GEN1: variants seen among roughly 807,000 people sequenced by gnomAD.
GEN1 encodes the protein flap endonuclease GEN homolog 1.
Under a neutral mutation model 67.6 loss-of-function variants are expected in GEN1, and 64 were observed. The observed-to-expected ratio is 0.95, with a 90% CI of 0.77 to 1.17. The LOEUF is 1.17. GEN1 is among the 50% of genes most tolerant of loss of function. GEN1 has a pLI of 0.00. For missense variants in GEN1, 1,058 were observed against 1,048.3 expected, an observed-to-expected ratio of 1.01 and a Z score of -0.13; for synonymous variants, 371 against 359.4, an observed-to-expected ratio of 1.03 and a Z score of -0.37.
rs1391423889 is a variant in GEN1, at chr2:17,787,788, G to A, written c.*5849G>A. 1 of 152,298 alleles carries A rather than the reference G, an allele frequency of 6.6e-6. No homozygotes were observed. The highest frequency in any genetic ancestry group is 2.4e-5 in the African/African-American group (1 of 41,444). 9.4% of individuals were successfully genotyped at this position (152,298 alleles called of 1,614,324 possible). ...AAAATACAAAAATTAGCCGGGTGTGGTGATGGGTACCTGTAATCCCACCTA... is the reference window on the plus strand; with the variant it reads ...AAAATACAAAAATTAGCCGGGTGTGATGATGGGTACCTGTAATCCCACCTA... On this transcript the variant is annotated 3_prime_UTR_variant, in exon 14 of 14. Transcript: ENST00000381254.
chr2:17,780,185 T>TATAAC, intron 13 of GEN1, 64 bp downstream of exon 13: 1 of 1,251,856 alleles, frequency 8.0e-7, no homozygotes, highest in Non-Finnish European at 1.1e-6. Context: ...CCACCTCTTC[T>TATAAC]GTTTGAATCT....
chr2:17,769,678 C>T (rs970867192), intron 6 of GEN1, among the ~76,000 whole-genome samples: 4 of 151,954 alleles, frequency 2.6e-5, no homozygotes, highest in Non-Finnish European at 4.4e-5. Context: ...AACATTAATT[C>T]GTTTAGTCTC....
At chr2:17,766,502 C>A in intron 4 of GEN1, 77 bp from the exon 5 acceptor site, 1 of 791,822 alleles carries the variant, frequency 1.3e-6, no homozygotes, top group South Asian at 1.7e-5. Context: ...ATAACATTGA[C>A]AAATTATTTT....
In GEN1 at chr2:17,780,702, G is replaced by A. The variant is rs762838485; in HGVS notation, c.1490G>A (p.Cys497Tyr). The A allele has an allele frequency of 4.5e-5, 73 of 1,613,792 alleles. No homozygotes were observed. The highest frequency in any genetic ancestry group is 5.7e-5 in the Non-Finnish European group (67 of 1,179,892). The change falls in exon 14 of 14, where the codon TGT becomes TAT. Residue 497 changes from cysteine to tyrosine, a missense_variant. Coordinates refer to ENST00000381254, the MANE Select transcript of GEN1 (RefSeq NM_001130009.3). Reference protein sequence around the residue: ...FQSHMTLKPTCEIFHKQNSKL... With the variant: ...FQSHMTLKPTYEIFHKQNSKL... ...TCACACATGACTTTAAAACCCACAT[G>A]TGAAATCTTTCATAAGCAGAATTCC...
chr2:17,759,575 T>C (rs1223723403), intron 1 of GEN1, among the ~76,000 whole-genome samples: 1 of 152,118 alleles, frequency 6.6e-6, no homozygotes, highest in Non-Finnish European at 1.5e-5. Context: ...TTTGTTTGCA[T>C]GCTTCCTTGC....
chr2:17,756,276 T>A (rs1401989415), intron 1 of GEN1, among the ~76,000 whole-genome samples: 1 of 152,236 alleles, frequency 6.6e-6, no homozygotes, highest in African/African-American at 2.4e-5. Context: ...TTGATTCAAA[T>A]AAGTAAGCTA....
intron 1 of GEN1, chr2:17,754,825 A>C (rs1349625377): frequency 6.6e-6 from 1 of 152,030 alleles, no homozygotes. Context: ...TAGAGTGTAA[A>C]CCCCCTAAAT....
intron 3 of GEN1, among the ~76,000 whole-genome samples, chr2:17,763,072 T>C (rs1221013990): frequency 1.3e-5 from 2 of 152,236 alleles, no homozygotes; most frequent in Admixed American, 1.3e-4. Context: ...CTTGAGGTTT[T>C]AATTTTTCTT....
intron 5 of GEN1, 62 bp from the exon 6 acceptor site, chr2:17,768,676 T>C: frequency 8.8e-7 from 1 of 1,139,870 alleles, no homozygotes; most frequent in African/African-American, 2.2e-5. Flanking sequence ...GTTCAATTAA[T>C]ATACTTTTAA....
rs1292531756 is a variant in GEN1 at position 17,781,708 on chromosome 2, CAAAG to C, written c.2501_2504del (p.Glu834ValfsTer6). 15 of 1,613,232 alleles carry C rather than the reference CAAAG, an allele frequency of 9.3e-6. No individual in the cohort carries two copies. The East Asian group carries it at 1.8e-4, about 19-fold the overall frequency. On this transcript the variant is annotated frameshift_variant, in exon 14 of 14. Transcript: ENST00000381254. LOFTEE classifies it low-confidence loss of function (END_TRUNC). ...CTCAAAAGCATAATTCATCCCATTT[CAAAG>C]AAAGTGGCCATAACAAGTTGAGTAG... is the stretch of plus-strand genomic sequence containing the variant.
rs1218250402 is a variant in GEN1 at position 17,781,627 on chromosome 2, A to G, written c.2415A>G (p.Gln805=). The G allele has an allele frequency of 2.5e-6, 4 of 1,613,942 alleles. No individual in the cohort carries two copies. In the African/African-American group the frequency reaches 4.0e-5, roughly 16 times the overall value. ...VCLDRHSSDE[Q]SAPVFGKAKY... ...TTGACAGACATTCCTCTGATGAACA[A>G]AGTGCCCCAGTGTTTGGGAAAGCTA... The change falls in exon 14 of 14, where the codon CAA becomes CAG. Residue 805 remains glutamine, a synonymous_variant. Coordinates refer to ENST00000381254, the MANE Select transcript of GEN1 (RefSeq NM_001130009.3).
upstream of GEN1, among the ~76,000 whole-genome samples, chr2:17,753,401 G>A (rs936484651): frequency 3.0e-5 from 2 of 65,694 alleles, no homozygotes; most frequent in Non-Finnish European, 6.6e-5. Context: ...CCGCGGCTCA[G>A]GAGACCGGTG....
chr2:17,766,919 C>T (rs1558400469), intron 5 of GEN1, among the ~76,000 whole-genome samples: 1 of 152,218 alleles, frequency 6.6e-6, no homozygotes, highest in Non-Finnish European at 1.5e-5. Flanking sequence ...TGTAGTACCA[C>T]AGCTTGAATC....
At chr2:17,778,117 TC>T in intron 12 of GEN1, 54 bp downstream of exon 12, 1 of 922,504 alleles carries the variant, frequency 1.1e-6, no homozygotes, top group East Asian at 2.5e-5. Flanking sequence ...ACCATGTATG[TC>T]TAGTAAATAT....
chr2:17,774,858 G>T (rs1672354698), intron 11 of GEN1, among the ~76,000 whole-genome samples: 2 of 151,878 alleles, frequency 1.3e-5, no homozygotes. Context: ...TAGCTAGGGT[G>T]GAATTTCTCT....
At chr2:17,753,869 G>A (rs1671248377), upstream of GEN1, 1 of 152,430 alleles carries the variant, frequency 6.6e-6, no homozygotes, top group African/African-American at 2.4e-5. Context: ...CAGTTGCGGG[G>A]TTTCGCGCCG....
intron 2 of GEN1, among the ~76,000 whole-genome samples, chr2:17,760,561 C>T (rs1572390575): frequency 6.6e-6 from 1 of 152,290 alleles, no homozygotes; most frequent in Non-Finnish European, 1.5e-5. Context: ...TGCTCTTGGC[C>T]TCCCCTACCC....
intron 4 of GEN1, among the ~76,000 whole-genome samples, chr2:17,765,931 G>A (rs959751558): frequency 6.9e-6 from 1 of 144,800 alleles, no homozygotes; most frequent in Non-Finnish European, 1.5e-5. Context: ...CAGTTACGGG[G>A]AATGTTTACT....
Position 17,783,474 on chromosome 2 carries a change from A to G in GEN1, c.*1535A>G, listed in dbSNP as rs1399021990. ...GATCTACAGGTTAAATGTAATTCCC[A>G]TTAATTCCAGCTGGTTTCTTTGCTG... On this transcript the variant is annotated 3_prime_UTR_variant, in exon 14 of 14. Coordinates refer to ENST00000381254, the MANE Select transcript of GEN1 (RefSeq NM_001130009.3). 3.3e-5 allele frequency: 5 copies of G among 152,248 alleles called. No homozygotes were observed. The highest frequency in any genetic ancestry group is 7.3e-5 in the Non-Finnish European group (5 of 68,042). The allele number at this position is 152,248 out of a possible 1,614,324, so 9.4% of individuals were successfully genotyped here.
Sources: gnomAD v4.1 joint callset for allele counts (sites outside exome capture counted in the v4.1 genomes callset) on GRCh38, gnomAD v4.1.1 for gene constraint, MANE v1.5 for transcripts, NCBI Gene and HGNC (gene_info 2026-07-23, HGNC 2026-07-21) for gene names.